Variants in CORIN observed in about 807,000 individuals in gnomAD.
The protein encoded by CORIN is corin, serine peptidase, also known as atrial natriuretic peptide-converting enzyme.
A neutral mutation model predicts 125.3 loss-of-function variants in CORIN; 117 were observed. The ratio of observed to expected loss-of-function variants is 0.93; its 90% CI spans 0.80 to 1.09. CORIN has a LOEUF of 1.09. CORIN is among the 50% of genes least tolerant of loss of function. The pLI is 0.00. For synonymous variants in CORIN, 450 were observed against 466.4 expected (o/e 0.96, Z 0.45); for missense variants, 1,253 against 1,306.7 (o/e 0.96, Z 0.63).
chr4:47,655,347 C>T (rs184893103), intron 12 of CORIN, among the ~76,000 whole-genome samples: 4 of 152,096 alleles, frequency 2.6e-5, no homozygotes, highest in Non-Finnish European at 5.9e-5. Flanking sequence ...TTGGCCACAG[C>T]GGGGTAGAAC....
At chr4:47,698,678 G>T (rs1440100420) in intron 5 of CORIN, among the ~76,000 whole-genome samples, 1 of 152,180 alleles carries the variant, frequency 6.6e-6, no homozygotes, top group African/African-American at 2.4e-5. Context: ...GGAAGAAGTA[G>T]GGATAGCAGC....
At position 47,602,495 on chromosome 4, in the gene CORIN, A is replaced by G. The variant is rs115485656; in HGVS notation, c.2812+902T>C. On this transcript the variant is annotated intron_variant, in intron 20 of 21. Transcript: ENST00000273857. ...GAAGGATTTATAGTTTGTACTACAGATGTTGATAAGACCAAATCACAACAT... is the reference window on the plus strand; with the variant it reads ...GAAGGATTTATAGTTTGTACTACAGGTGTTGATAAGACCAAATCACAACAT... Among the ~76,000 whole-genome samples the G allele has an allele frequency of 7.6e-3, 1,164 of 152,292 alleles. 18 individuals are homozygous for G. The highest frequency in any genetic ancestry group is 0.026 in the African/African-American group (1,097 of 41,550).
chr4:47,763,267 T>C (rs561515845), intron 4 of CORIN, 112 bp downstream of exon 4: 6 of 731,656 alleles, frequency 8.2e-6, no homozygotes, highest in Non-Finnish European at 1.2e-5. Flanking sequence ...CCATGACTAA[T>C]GTGGCTAATA....
intron 5 of CORIN, among the ~76,000 whole-genome samples, chr4:47,713,831 T>G (rs896660826): frequency 6.6e-6 from 1 of 152,132 alleles, no homozygotes. Context: ...AAAGAGGGCC[T>G]CAGGGAATCT....
intron 5 of CORIN, among the ~76,000 whole-genome samples, chr4:47,743,637 A>G (rs571852735): frequency 8.5e-5 from 13 of 152,348 alleles, no homozygotes; most frequent in African/African-American, 3.1e-4. Flanking sequence ...CTGTAATCCA[A>G]ACACTTTGGG....
intron 13 of CORIN, among the ~76,000 whole-genome samples, chr4:47,646,043 C>CAAAAAAAAAAAAA (rs1165408037): frequency 1.0e-5 from 1 of 98,496 alleles, no homozygotes; most frequent in Admixed American, 1.2e-4. Context: ...CCACCTGTCT[C>CAAAAAAAAAAAAA]AAAAAAAAAA....
intron 5 of CORIN, among the ~76,000 whole-genome samples, chr4:47,714,469 C>T (rs997774604): frequency 6.6e-6 from 1 of 152,192 alleles, no homozygotes; most frequent in African/African-American, 2.4e-5. Context: ...GGAGAGTAAA[C>T]ATGACTTGGC....
intron 3 of CORIN, among the ~76,000 whole-genome samples, chr4:47,783,436 C>A (rs1730639971): frequency 6.6e-6 from 1 of 151,968 alleles, no homozygotes; most frequent in Non-Finnish European, 1.5e-5. Context: ...CTGGTTAAAG[C>A]TTTACAAAAT....
At chr4:47,775,084 A>G (rs1471149832) in intron 3 of CORIN, among the ~76,000 whole-genome samples, 1 of 152,212 alleles carries the variant, frequency 6.6e-6, no homozygotes, top group African/African-American at 2.4e-5. Context: ...TTTCTTTTTA[A>G]CAATAAAGAA....
intron 17 of CORIN, among the ~76,000 whole-genome samples, chr4:47,625,436 T>C (rs1228698901): frequency 2.0e-5 from 3 of 152,034 alleles, no homozygotes; most frequent in African/African-American, 7.2e-5. Flanking sequence ...TATTTATTTA[T>C]TTATTTACTT....
intron 6 of CORIN, 78 bp from the exon 7 acceptor site, chr4:47,683,916 A>T: frequency 9.3e-7 from 1 of 1,074,590 alleles, no homozygotes; most frequent in Admixed American, 2.2e-5. Flanking sequence ...AACAAAAGCC[A>T]ATCATGGAAG....
Position 47,837,879 on chromosome 4 carries a change from G to A in CORIN, c.63+8C>T. On this transcript the variant is annotated splice_region_variant and intron_variant, in intron 1 of 21. Transcript: ENST00000273857. The stretch of plus-strand genomic sequence containing the variant: ...GGCTGCGGTAGGACAGCGAATCATC[G>A]ATCTTACCGGCTTTGGGGACCCGGC... 1 of 1,612,526 alleles carries A rather than the reference G, an allele frequency of 6.2e-7. No individual in the cohort carries two copies. The highest frequency in any genetic ancestry group is 8.5e-7 in the Non-Finnish European group (1 of 1,178,918).
chr4:47,644,965 G>A, intron 14 of CORIN, 116 bp downstream of exon 14: 1 of 581,146 alleles, frequency 1.7e-6, no homozygotes, highest in Non-Finnish European at 3.1e-6. Context: ...CAAAAGATGT[G>A]AAAATACTAA....
chr4:47,817,348 C>A (rs1167228210), intron 1 of CORIN, among the ~76,000 whole-genome samples: 2 of 151,546 alleles, frequency 1.3e-5, no homozygotes, highest in East Asian at 3.9e-4. Context: ...AACCAGGAGT[C>A]TTGAGAGAGT....
chr4:47,662,477 C>T (rs1004757941), intron 11 of CORIN, among the ~76,000 whole-genome samples: 8 of 152,102 alleles, frequency 5.3e-5, no homozygotes, highest in Admixed American at 1.3e-4. Flanking sequence ...CAGGTGCTTT[C>T]GTGCGTATTA....
chr4:47,612,306 C>T (rs1223507864), intron 19 of CORIN, among the ~76,000 whole-genome samples: 2 of 152,180 alleles, frequency 1.3e-5, no homozygotes, highest in Non-Finnish European at 2.9e-5. Flanking sequence ...CGCCTCTCAG[C>T]TCCAGAAAAT....
chr4:47,758,097 G>A (rs1577896829), intron 4 of CORIN, among the ~76,000 whole-genome samples: 1 of 151,622 alleles, frequency 6.6e-6, no homozygotes, highest in South Asian at 2.1e-4. Context: ...TGTATTTTTA[G>A]TAGAGACGGG....
intron 12 of CORIN, among the ~76,000 whole-genome samples, chr4:47,660,434 G>A (rs564297833): frequency 6.6e-6 from 1 of 152,068 alleles, no homozygotes; most frequent in East Asian, 1.9e-4. Flanking sequence ...CATATGATAA[G>A]GGATTAATAA....
rs1281281986 is a variant in CORIN at position 47,618,344 on chromosome 4, AGG to A, written c.2540+5225_2540+5226del. On this transcript the variant is annotated intron_variant, in intron 19 of 21. Coordinates refer to ENST00000273857, the MANE Select transcript of CORIN (RefSeq NM_006587.4). The stretch of plus-strand genomic sequence containing the variant: ...AGTGAAACTCCATCAAAAAAAAAAA[AGG>A]AAAGGAAAGGAAAGGGAAGGGAAGG... Among the ~76,000 whole-genome samples, 533 of 134,512 alleles carry A rather than the reference AGG, an allele frequency of 4.0e-3. 8 individuals carry two copies. Among genetic ancestry groups the A allele is most frequent in the African/African-American group, 0.01 (365 of 34,986 alleles). 88.2% of individuals were successfully genotyped at this position (134,512 alleles called of 152,430 possible).
Sources: allele counts gnomAD v4.1 joint callset (sites outside exome capture counted in the v4.1 genomes callset), GRCh38; gene constraint gnomAD v4.1.1; transcripts MANE v1.5; gene names NCBI Gene and HGNC (gene_info 2026-07-23, HGNC 2026-07-21).